SLC25A12: variants seen among roughly 807,000 people sequenced by gnomAD.
The protein encoded by SLC25A12 is electrogenic aspartate/glutamate antiporter SLC25A12, mitochondrial.
In SLC25A12, 32 loss-of-function variants were observed where a neutral mutation model predicts 83.3. The observed-to-expected ratio is 0.38, with a 90% CI of 0.29 to 0.52. SLC25A12 has a LOEUF of 0.52. Among genes scored for constraint, SLC25A12 ranks in the 20% least tolerant of loss-of-function variants. The pLI, the probability that SLC25A12 is intolerant of heterozygous loss-of-function variation, is 0.84. For synonymous variants in SLC25A12, 267 were observed against 291.1 expected (o/e 0.92, Z 0.84); for missense variants, 611 against 835.6 (o/e 0.73, Z 3.31).
intron 17 of SLC25A12, among the ~76,000 whole-genome samples, chr2:171,786,208 T>A (rs1270992997): frequency 6.6e-6 from 1 of 150,534 alleles, no homozygotes; most frequent in Admixed American, 6.6e-5. Flanking sequence ...ACCCCGTCTC[T>A]ACTAAAAATA....
At chr2:171,844,007 G>A (rs1289515691) in intron 5 of SLC25A12, among the ~76,000 whole-genome samples, 2 of 152,066 alleles carry the variant, frequency 1.3e-5, no homozygotes, top group East Asian at 1.9e-4. Context: ...GGATGGTCTG[G>A]ATCTCCTGAC....
intron 2 of SLC25A12, among the ~76,000 whole-genome samples, chr2:171,869,892 C>T (rs1019486489): frequency 3.3e-5 from 5 of 152,210 alleles, no homozygotes; most frequent in Non-Finnish European, 5.9e-5. Context: ...GAAAATTCTA[C>T]AAGTTTTCAG....
chr2:171,843,335 TAAGAAC>T (rs1027217929), intron 5 of SLC25A12, among the ~76,000 whole-genome samples: 3 of 152,126 alleles, frequency 2.0e-5, no homozygotes, highest in African/African-American at 7.2e-5. Context: ...CTAGAAACTC[TAAGAAC>T]AATAACTTTA....
intron 2 of SLC25A12, among the ~76,000 whole-genome samples, chr2:171,873,998 G>A (rs1685509916): frequency 6.6e-6 from 1 of 152,052 alleles, no homozygotes; most frequent in African/African-American, 2.4e-5. Flanking sequence ...GGCTGAGGTA[G>A]GGGGATCACC....
chr2:171,795,069 T>G (rs1683572398), intron 13 of SLC25A12, among the ~76,000 whole-genome samples: 1 of 152,236 alleles, frequency 6.6e-6, no homozygotes, highest in African/African-American at 2.4e-5. Flanking sequence ...TCCTGACTCC[T>G]TAACTCCTTT....
At chr2:171,787,249 C>T (rs1243406650) in intron 17 of SLC25A12, among the ~76,000 whole-genome samples, 1 of 151,960 alleles carries the variant, frequency 6.6e-6, no homozygotes, top group African/African-American at 2.4e-5. Context: ...CGCTTGAGCC[C>T]GGGAGGTTGA....
chr2:171,812,894 T>C (rs532467440), intron 11 of SLC25A12, among the ~76,000 whole-genome samples: 1 of 152,026 alleles, frequency 6.6e-6, no homozygotes, highest in South Asian at 2.1e-4. Flanking sequence ...TTTATTTCAG[T>C]TGAAATAAAT....
At chr2:171,791,307 C>T in intron 15 of SLC25A12, 144 bp downstream of exon 15, 1 of 755,672 alleles carries the variant, frequency 1.3e-6, no homozygotes, top group Non-Finnish European at 2.3e-6. Context: ...TACAGCACAT[C>T]CCACAAAGGA....
chr2:171,875,958 T>C (rs1685561848), intron 2 of SLC25A12, among the ~76,000 whole-genome samples: 1 of 147,786 alleles, frequency 6.8e-6, no homozygotes, highest in African/African-American at 2.5e-5. Context: ...CTTTTGAATC[T>C]AACATTTAAA....
intron 17 of SLC25A12, among the ~76,000 whole-genome samples, chr2:171,786,220 TA>T (rs1202640641): frequency 3.0e-3 from 419 of 141,340 alleles, no homozygotes; most frequent in Middle Eastern, 3.6e-3. Context: ...CTAAAAATAT[TA>T]AAAAAAAAAA....
At chr2:171,880,752 T>C (rs1028182472) in intron 2 of SLC25A12, among the ~76,000 whole-genome samples, 67 of 152,230 alleles carry the variant, frequency 4.4e-4, no homozygotes, top group African/African-American at 3.6e-4. Flanking sequence ...ATCATTATTC[T>C]ATTTTCTCTA....
chr2:171,827,525 C>T (rs974617951), intron 8 of SLC25A12, among the ~76,000 whole-genome samples: 1 of 152,132 alleles, frequency 6.6e-6, no homozygotes, highest in African/African-American at 2.4e-5. Context: ...TTCACTTCAG[C>T]CTCCGATTGG....
At chr2:171,800,104 G>A (rs985359168) in intron 13 of SLC25A12, among the ~76,000 whole-genome samples, 2 of 151,994 alleles carry the variant, frequency 1.3e-5, no homozygotes, top group Non-Finnish European at 2.9e-5. Flanking sequence ...TCTCCCTTAA[G>A]TTTCTGGATC....
At chr2:171,851,492 TA>T (rs367909612) in intron 4 of SLC25A12, among the ~76,000 whole-genome samples, 75,698 of 126,776 alleles carry the variant, frequency 0.6, 20,900 homozygotes, top group East Asian at 0.82. Context: ...CCTGGCCCCT[TA>T]AAAAAAAAAA....
In SLC25A12 at chr2:171,888,639, C is replaced by T. The variant is rs540723534; in HGVS notation, c.66+4566G>A. 4.0e-5 allele frequency among the ~76,000 whole-genome samples: 6 copies of T among 151,838 alleles called. No homozygotes were observed. The South Asian group carries it at 1.2e-3, about 32-fold the overall frequency. The stretch of plus-strand genomic sequence containing the variant: ...TATATTTTTTATAGAGACAGGGTTT[C>T]ACCATGTTGCCCAGGCTGGTCTCAA... On this transcript the variant is annotated intron_variant, in intron 2 of 17. Transcript: ENST00000422440.
chr2:171,874,819 G>A (rs563139400), intron 2 of SLC25A12, among the ~76,000 whole-genome samples: 8 of 152,170 alleles, frequency 5.3e-5, no homozygotes, highest in Admixed American at 5.2e-4. Context: ...TTAAAAGTGG[G>A]AATTAAATAT....
At position 171,787,499 on chromosome 2, in the gene SLC25A12, T is replaced by C. The variant is rs1690510981; in HGVS notation, c.1835+72A>G. 6 of 1,203,976 alleles carry C rather than the reference T, an allele frequency of 5.0e-6. No individual in the cohort carries two copies. The East Asian group carries it at 1.2e-4, about 23-fold the overall frequency. 74.6% of individuals were successfully genotyped at this position (1,203,976 alleles called of 1,614,324 possible). A position where few individuals can be genotyped will look rare whatever the true frequency, so the allele number is the denominator to read the frequency against. On this transcript the variant is annotated intron_variant, in intron 17 of 17. Transcript: ENST00000422440. ...AGTTTTCTAAGAGTTGCAACAATGCTTTTGTAGACAGAACAAACATTTGTT... is the reference window on the plus strand; with the variant it reads ...AGTTTTCTAAGAGTTGCAACAATGCCTTTGTAGACAGAACAAACATTTGTT...
intron 2 of SLC25A12, among the ~76,000 whole-genome samples, chr2:171,883,268 T>A (rs994308036): frequency 2.0e-5 from 3 of 152,194 alleles, no homozygotes; most frequent in Non-Finnish European, 2.9e-5. Flanking sequence ...AGTTTACATG[T>A]TATTTTATTT....
At chr2:171,827,622 G>T (rs1684333486) in intron 8 of SLC25A12, among the ~76,000 whole-genome samples, 1 of 152,166 alleles carries the variant, frequency 6.6e-6, no homozygotes, top group African/African-American at 2.4e-5. Context: ...TGCAACTAGG[G>T]CTCTTGAGCT....
Sources: gnomAD v4.1 joint callset for allele counts (sites outside exome capture counted in the v4.1 genomes callset) on GRCh38, gnomAD v4.1.1 for gene constraint, MANE v1.5 for transcripts, NCBI Gene and HGNC (gene_info 2026-07-23, HGNC 2026-07-21) for gene names.